The following PALS1 variants were observed in gnomAD, a reference collection of about 807,000 sequenced individuals.
PALS1 encodes protein associated with LIN7 1, MAGUK p55 family member, also known as protein PALS1.
Under a neutral mutation model 78.9 loss-of-function variants are expected in PALS1, and 31 were observed. The observed-to-expected ratio is 0.39, with a 90% CI of 0.30 to 0.53. The LOEUF (loss-of-function observed/expected upper bound fraction) is 0.53, where lower values mean the gene tolerates loss of function less well. Ranked by LOEUF, PALS1 falls within the 20% of genes least tolerant of loss-of-function variation. PALS1 has a pLI of 0.67. For synonymous variants in PALS1, 276 were observed against 270.9 expected (o/e 1.02, Z -0.18); for missense variants, 704 against 826.5 (o/e 0.85, Z 1.82).
In PALS1 at chr14:67,312,730, A is replaced by G; in HGVS notation, c.1225+20A>G. The stretch of plus-strand genomic sequence containing the variant: ...TTCCAGGTAAGACACAATATGGTAG[A>G]AAGTACATAATATTAAAAGAACATT... On this transcript the variant is annotated intron_variant, in intron 9 of 14. Transcript: ENST00000261681. 2 of 1,529,650 alleles carry G rather than the reference A, an allele frequency of 1.3e-6. No homozygotes were observed. Among genetic ancestry groups the G allele is most frequent in the Non-Finnish European group, 1.8e-6 (2 of 1,134,156 alleles). 94.8% of individuals were successfully genotyped at this position (1,529,650 alleles called of 1,614,324 possible). A position where few individuals can be genotyped will look rare whatever the true frequency, so the allele number is the denominator to read the frequency against.
At position 67,296,585 on chromosome 14, in the gene PALS1, C is replaced by CAAAAAAAAAAAA. The variant is rs374329692; in HGVS notation, c.576+3883_576+3894dup. 5.9e-5 allele frequency among the ~76,000 whole-genome samples: 3 copies of CAAAAAAAAAAAA among 51,000 alleles called. 1 individual carries two copies. Among genetic ancestry groups the CAAAAAAAAAAAA allele is most frequent in the Non-Finnish European group, 1.3e-4 (2 of 15,402 alleles). 33.5% of individuals were successfully genotyped at this position (51,000 alleles called of 152,430 possible). ...TGGGCAACAGAGTGAAACTCTGTCTCAAAAAAAAAAAAAAAAAAAAAAAAA... is the reference window on the plus strand; with the variant it reads ...TGGGCAACAGAGTGAAACTCTGTCTCAAAAAAAAAAAAAAAAAAAAAAAAAAAAAAAAAAAAA... On this transcript the variant is annotated intron_variant, in intron 4 of 14. Transcript: ENST00000261681.
chr14:67,255,701 G>C (rs2084134482), intron 1 of PALS1, among the ~76,000 whole-genome samples: 3 of 152,210 alleles, frequency 2.0e-5, no homozygotes, highest in Admixed American at 1.3e-4. Context: ...TTGTTTTTGA[G>C]ATGGAGTCTC....
rs533886362 is a variant in PALS1 at position 67,324,408 on chromosome 14, G to A, written c.1851+596G>A. 7.9e-5 allele frequency among the ~76,000 whole-genome samples: 12 copies of A among 152,188 alleles called. No homozygotes were observed. The South Asian group carries it at 1.7e-3, about 21-fold the overall frequency. ...CTGTCAGGTGACTTACTGTATCAGA[G>A]TAACATGTTCTTCCTTGTTTTTTTT... is the stretch of plus-strand genomic sequence containing the variant. On this transcript the variant is annotated intron_variant, in intron 14 of 14. Transcript: ENST00000261681.
intron 3 of PALS1, among the ~76,000 whole-genome samples, chr14:67,283,605 T>C (rs1055014820): frequency 6.6e-6 from 1 of 152,216 alleles, no homozygotes; most frequent in Non-Finnish European, 1.5e-5. Flanking sequence ...GGGAATTTTT[T>C]TTTATCTTCC....
intron 1 of PALS1, among the ~76,000 whole-genome samples, chr14:67,242,841 TG>T (rs2140389163): frequency 6.6e-6 from 1 of 152,364 alleles, no homozygotes; most frequent in South Asian, 2.1e-4. Flanking sequence ...GACTTGAACT[TG>T]ACAAATTAAG....
intron 3 of PALS1, among the ~76,000 whole-genome samples, chr14:67,287,504 A>G (rs2084707680): frequency 1.3e-5 from 2 of 152,208 alleles, no homozygotes; most frequent in Non-Finnish European, 2.9e-5. Flanking sequence ...ATAACTTGTA[A>G]AAATATGTTC....
At chr14:67,252,500 T>C (rs2084081268) in intron 1 of PALS1, among the ~76,000 whole-genome samples, 1 of 152,086 alleles carries the variant, frequency 6.6e-6, no homozygotes, top group Non-Finnish European at 1.5e-5. Context: ...GAACCCCTGA[T>C]GAATAGCTGG....
At chr14:67,306,388 A>G (rs1038644454) in intron 8 of PALS1, among the ~76,000 whole-genome samples, 3 of 151,932 alleles carry the variant, frequency 2.0e-5, no homozygotes, top group Middle Eastern at 3.4e-3. Context: ...TCTGTCGCCC[A>G]GGCTGGAGTA....
intron 14 of PALS1, among the ~76,000 whole-genome samples, chr14:67,328,179 T>C (rs1461740015): frequency 6.6e-6 from 1 of 152,240 alleles, no homozygotes; most frequent in Non-Finnish European, 1.5e-5. Context: ...CCATTCTAAC[T>C]GGTGTGAGAT....
intron 9 of PALS1, among the ~76,000 whole-genome samples, chr14:67,312,948 C>T (rs1403429705): frequency 6.6e-6 from 1 of 152,100 alleles, no homozygotes; most frequent in Non-Finnish European, 1.5e-5. Flanking sequence ...TATTGTAGTA[C>T]ATTTCCTGTA....
intron 3 of PALS1, among the ~76,000 whole-genome samples, chr14:67,284,548 A>G (rs78967259): frequency 2.2e-5 from 1 of 46,334 alleles, no homozygotes; most frequent in Non-Finnish European, 3.7e-5. Flanking sequence ...CTGCAGTGCT[A>G]AAAAAAAAAA....
At chr14:67,266,430 A>G (rs1348548655) in intron 1 of PALS1, among the ~76,000 whole-genome samples, 1 of 152,114 alleles carries the variant, frequency 6.6e-6, no homozygotes, top group Non-Finnish European at 1.5e-5. Context: ...GGTTCAAGGA[A>G]TTCTCATGCC....
At chr14:67,325,108 T>A (rs1407153589) in intron 14 of PALS1, among the ~76,000 whole-genome samples, 1 of 151,942 alleles carries the variant, frequency 6.6e-6, no homozygotes, top group Non-Finnish European at 1.5e-5. Context: ...GATTTCACCA[T>A]GTTAGCCAGG....
intron 4 of PALS1, among the ~76,000 whole-genome samples, chr14:67,295,865 G>A (rs1277928962): frequency 6.6e-6 from 1 of 152,152 alleles, no homozygotes; most frequent in Non-Finnish European, 1.5e-5. Flanking sequence ...TAGGTATATA[G>A]CCAAGAGAAA....
chr14:67,308,290 T>C lies in PALS1; in HGVS notation c.1042-4237T>C, dbSNP rs140783831. ...AAAAGCCAACCTAATACTTAGACAATAGAAAAGGGAAAAACCAAACTTCCT... is the reference window on the plus strand; with the variant it reads ...AAAAGCCAACCTAATACTTAGACAACAGAAAAGGGAAAAACCAAACTTCCT... On this transcript the variant is annotated intron_variant, in intron 8 of 14. Coordinates refer to ENST00000261681, the MANE Select transcript of PALS1 (RefSeq NM_022474.4). 2.0e-3 allele frequency among the ~76,000 whole-genome samples: 288 copies of C among 147,608 alleles called. 1 individual carries two copies. The highest frequency in any genetic ancestry group is 6.7e-3 in the African/African-American group (271 of 40,366).
At chr14:67,293,005 T>C (rs1437774863) in intron 4 of PALS1, among the ~76,000 whole-genome samples, 1 of 152,158 alleles carries the variant, frequency 6.6e-6, no homozygotes, top group Non-Finnish European at 1.5e-5. Context: ...AATTTGTTAA[T>C]GTTTTTAGTA....
chr14:67,274,456 G>A lies in PALS1; in HGVS notation c.-153-4562G>A, dbSNP rs148708015. On this transcript the variant is annotated intron_variant, in intron 2 of 14. Coordinates refer to ENST00000261681, the MANE Select transcript of PALS1 (RefSeq NM_022474.4). ...TAGATGTGTGGTACTATTTCTGAGG[G>A]CTCTGTTCTGTTCCATTGGTCTATA... 6.5e-4 allele frequency among the ~76,000 whole-genome samples: 99 copies of A among 152,166 alleles called. 2 individuals are homozygous for A. The East Asian group carries it at 0.019, about 29-fold the overall frequency.
rs775635540 is a variant in PALS1 at position 67,312,635 on chromosome 14, CAAG to C, written c.1155_1157del (p.Glu385del). 1.1e-5 allele frequency: 17 copies of C among 1,613,352 alleles called. No homozygotes were observed. The highest frequency in any genetic ancestry group is 1.7e-5 in the Admixed American group (1 of 59,956). On this transcript the variant is annotated inframe_deletion, in exon 9 of 15. Transcript: ENST00000261681. ...AGGTGATATACTTCATGTGATCAGT[CAAG>C]AAGATCCAAACTGGTGGCAGGCCTA...
chr14:67,255,523 A>G (rs1379700971), intron 1 of PALS1, among the ~76,000 whole-genome samples: 1 of 152,218 alleles, frequency 6.6e-6, no homozygotes. Context: ...CCTAAATACT[A>G]AAGAGCCATG....
Sources: gnomAD v4.1 joint callset for allele counts (sites outside exome capture counted in the v4.1 genomes callset) on GRCh38, gnomAD v4.1.1 for gene constraint, MANE v1.5 for transcripts, NCBI Gene and HGNC (gene_info 2026-07-23, HGNC 2026-07-21) for gene names.